The following RPS6KA5 variants were observed in gnomAD, a reference collection of about 807,000 sequenced individuals.
The protein encoded by RPS6KA5 is ribosomal protein S6 kinase alpha-5.
Under a neutral mutation model 85.5 loss-of-function variants are expected in RPS6KA5, and 27 were observed. That is an observed-to-expected ratio of 0.32 (90% CI 0.23 to 0.44). The LOEUF (loss-of-function observed/expected upper bound fraction) is 0.44, where lower values mean the gene tolerates loss of function less well. RPS6KA5 is among the 20% of genes least tolerant of loss of function. The pLI is 1.00. For synonymous variants in RPS6KA5, 334 were observed against 348.2 expected (o/e 0.96, Z 0.46); for missense variants, 811 against 980.9 (o/e 0.83, Z 2.31).
At chr14:90,981,640 G>A (rs994363315) in intron 2 of RPS6KA5, among the ~76,000 whole-genome samples, 66 of 152,296 alleles carry the variant, frequency 4.3e-4, no homozygotes, top group African/African-American at 1.4e-3. Flanking sequence ...CTCTGCCAAC[G>A]CAATTGTGTT....
chr14:90,910,111 C>T (rs1217788764), intron 7 of RPS6KA5, among the ~76,000 whole-genome samples: 3 of 151,920 alleles, frequency 2.0e-5, no homozygotes, highest in Non-Finnish European at 2.9e-5. Context: ...ATGACCAGAT[C>T]GCATAGCAAA....
intron 3 of RPS6KA5, among the ~76,000 whole-genome samples, chr14:90,975,515 G>C (rs112000461): frequency 6.6e-6 from 1 of 152,174 alleles, no homozygotes; most frequent in Non-Finnish European, 1.5e-5. Context: ...GCACACATGC[G>C]TAGGGGGACA....
At chr14:91,028,331 C>T (rs570559917) in intron 1 of RPS6KA5, among the ~76,000 whole-genome samples, 3 of 152,086 alleles carry the variant, frequency 2.0e-5, no homozygotes, top group Non-Finnish European at 2.9e-5. Flanking sequence ...AACCCTTTCA[C>T]CTCAGCCTGC....
At chr14:91,035,847 C>CAAAAAAAAAAAAAAAAAAAAAAAA (rs199625173) in intron 1 of RPS6KA5, among the ~76,000 whole-genome samples, 1 of 69,902 alleles carries the variant, frequency 1.4e-5, no homozygotes, top group Non-Finnish European at 2.5e-5. Context: ...CCCTCACCTT[C>CAAAAAAAAAAAAAAAAAAAAAAAA]AAAAAAAAAA....
intron 5 of RPS6KA5, among the ~76,000 whole-genome samples, chr14:90,934,265 A>G (rs1156642878): frequency 2.6e-5 from 4 of 152,236 alleles, no homozygotes; most frequent in Admixed American, 2.0e-4. Flanking sequence ...TAAAATTTTC[A>G]TAACTGAAAA....
intron 1 of RPS6KA5, among the ~76,000 whole-genome samples, chr14:91,020,534 C>CTCTGTGTG: frequency 9.1e-6 from 1 of 110,058 alleles, no homozygotes; most frequent in South Asian, 3.2e-4. Flanking sequence ...TAAGGAATGA[C>CTCTGTGTG]TGTGTGTGTG....
chr14:90,886,173 TAGAG>T (rs138943836), intron 14 of RPS6KA5, among the ~76,000 whole-genome samples: 208 of 152,084 alleles, frequency 1.4e-3, no homozygotes, highest in African/African-American at 4.9e-3. Flanking sequence ...TAGAAATAAT[TAGAG>T]AGAAAGAAAA....
intron 1 of RPS6KA5, among the ~76,000 whole-genome samples, chr14:91,010,412 C>A (rs967827907): frequency 6.6e-6 from 1 of 152,074 alleles, no homozygotes. Flanking sequence ...CAAGCTAGCT[C>A]CAAGAACCAT....
intron 1 of RPS6KA5, among the ~76,000 whole-genome samples, chr14:91,041,738 A>G (rs987773933): frequency 6.6e-6 from 1 of 152,226 alleles, no homozygotes; most frequent in Admixed American, 6.5e-5. Context: ...GAACCAAGTT[A>G]TATTTAATAT....
chr14:90,994,112 G>A (rs895730846), intron 2 of RPS6KA5, among the ~76,000 whole-genome samples: 17 of 151,838 alleles, frequency 1.1e-4, no homozygotes, highest in African/African-American at 4.1e-4. Flanking sequence ...AGACAGATGG[G>A]GATTCTCCCA....
At position 90,854,080 on chromosome 14, in the gene RPS6KA5, C is replaced by T. The variant is rs1347817643; in HGVS notation, c.*17994G>A. ...CCTATGTAATTTTCACAAGACCAAACTATTAAAGTACCTAGAAAATAGAAT... is the reference window on the plus strand; with the variant it reads ...CCTATGTAATTTTCACAAGACCAAATTATTAAAGTACCTAGAAAATAGAAT... On this transcript the variant is annotated 3_prime_UTR_variant, in exon 17 of 17. Transcript: ENST00000614987. The T allele has an allele frequency of 1.3e-5, 2 of 152,154 alleles. No individual in the cohort carries two copies. Among genetic ancestry groups the T allele is most frequent in the Non-Finnish European group, 2.9e-5 (2 of 68,022 alleles). 9.4% of individuals were successfully genotyped at this position (152,154 alleles called of 1,614,324 possible).
At chr14:90,920,686 A>G (rs972638370) in intron 6 of RPS6KA5, among the ~76,000 whole-genome samples, 2 of 144,272 alleles carry the variant, frequency 1.4e-5, no homozygotes, top group African/African-American at 2.7e-5. Flanking sequence ...ACAATAAATG[A>G]AAAAAAAAAC....
chr14:90,962,746 A>G (rs1807208450), intron 3 of RPS6KA5, among the ~76,000 whole-genome samples: 1 of 152,228 alleles, frequency 6.6e-6, no homozygotes, highest in Non-Finnish European at 1.5e-5. Context: ...AAGAATCCCT[A>G]TATGCTCATT....
In RPS6KA5 at chr14:90,865,606, A is replaced by T. The variant is rs992611429; in HGVS notation, c.*6468T>A. Reference sequence around the variant, plus strand: ...GCACTTTACACACCATGTTGCAATAACATTTTAAACAATATGATCACTATC... The same window carrying T: ...GCACTTTACACACCATGTTGCAATATCATTTTAAACAATATGATCACTATC... On this transcript the variant is annotated 3_prime_UTR_variant, in exon 17 of 17. Coordinates refer to ENST00000614987, the MANE Select transcript of RPS6KA5 (RefSeq NM_004755.4). 5 of 152,220 alleles carry T rather than the reference A, an allele frequency of 3.3e-5. No homozygotes were observed. The highest frequency in any genetic ancestry group is 1.2e-4 in the African/African-American group (5 of 41,448). The allele number at this position is 152,220 out of a possible 1,614,324, so 9.4% of individuals were successfully genotyped here. A position where few individuals can be genotyped will look rare whatever the true frequency, so the allele number is the denominator to read the frequency against.
chr14:90,889,585 C>A (rs1194316043), intron 14 of RPS6KA5, among the ~76,000 whole-genome samples: 1 of 151,718 alleles, frequency 6.6e-6, no homozygotes, highest in African/African-American at 2.4e-5. Context: ...AACACAAACA[C>A]ATATATAAAA....
In RPS6KA5 at chr14:90,906,140, T is replaced by C. The variant is rs2035488577; in HGVS notation, c.957+9A>G. The C allele has an allele frequency of 6.3e-7, 1 of 1,586,510 alleles. No individual in the cohort carries two copies. Among genetic ancestry groups the C allele is most frequent in the African/African-American group, 1.3e-5 (1 of 74,506 alleles). ...AGTATGAAACCATTTATCTATTCAA[T>C]AATTTCACCTGAAAGAAGAGATGTT... On this transcript the variant is annotated intron_variant, in intron 8 of 16. Transcript: ENST00000614987.
intron 3 of RPS6KA5, among the ~76,000 whole-genome samples, chr14:90,953,746 C>T (rs891985737): frequency 7.2e-5 from 11 of 152,152 alleles, no homozygotes; most frequent in African/African-American, 2.7e-4. Context: ...CTGAAATACG[C>T]CCTGGTCTCC....
intron 1 of RPS6KA5, among the ~76,000 whole-genome samples, chr14:91,007,727 A>G (rs1041200137): frequency 1.3e-5 from 2 of 149,798 alleles, no homozygotes; most frequent in African/African-American, 4.9e-5. Flanking sequence ...TTTTGGTAGT[A>G]GCCATCCTAG....
intron 1 of RPS6KA5, among the ~76,000 whole-genome samples, chr14:91,036,458 A>G (rs2042415179): frequency 6.6e-6 from 1 of 152,206 alleles, no homozygotes; most frequent in Non-Finnish European, 1.5e-5. Flanking sequence ...GTGGATGAAT[A>G]GGCAGATTAG....
Sources: allele counts gnomAD v4.1 joint callset (sites outside exome capture counted in the v4.1 genomes callset), GRCh38; gene constraint gnomAD v4.1.1; transcripts MANE v1.5; gene names NCBI Gene and HGNC (gene_info 2026-07-23, HGNC 2026-07-21).